PRKN: variants seen among roughly 807,000 people sequenced by gnomAD.
The protein encoded by PRKN is E3 ubiquitin-protein ligase parkin.
Under a neutral mutation model 59.5 loss-of-function variants are expected in PRKN, and 56 were observed. That is an observed-to-expected ratio of 0.94 (90% CI 0.76 to 1.18). PRKN has a LOEUF of 1.18. PRKN is among the 50% of genes most tolerant of loss of function. The pLI, the probability that PRKN is intolerant of heterozygous loss-of-function variation, is 0.00. For synonymous variants in PRKN, 250 were observed against 222.1 expected, an observed-to-expected ratio of 1.13 and a Z score of -1.12; for missense variants, 657 against 596.4, an observed-to-expected ratio of 1.10 and a Z score of -1.06.
At chr6:161,749,241 G>A (rs1359422044) in intron 7 of PRKN, among the ~76,000 whole-genome samples, 3 of 152,198 alleles carry the variant, frequency 2.0e-5, no homozygotes, top group African/African-American at 4.8e-5. Flanking sequence ...CATCTTGGAA[G>A]GGAGAAGCTG....
rs190645575 is a variant in PRKN at position 162,336,345 on chromosome 6, C to T, written c.172-73580G>A. Among the ~76,000 whole-genome samples the T allele has an allele frequency of 7.4e-4, 113 of 152,192 alleles. 1 individual carries two copies. The South Asian group carries it at 0.012, about 16-fold the overall frequency. ...ATTTCAGTCTATGTTACAGCTACAA[C>T]GATACCTCCTCTCTCTGGAAGCCTC... is the stretch of plus-strand genomic sequence containing the variant. On this transcript the variant is annotated intron_variant, in intron 2 of 11. Transcript: ENST00000366898.
chr6:162,259,842 T>C (rs1779811316), intron 3 of PRKN, among the ~76,000 whole-genome samples: 1 of 152,186 alleles, frequency 6.6e-6, no homozygotes, highest in South Asian at 2.1e-4. Context: ...AAAAACTCCA[T>C]CCTCAAAGAG....
At chr6:162,131,401 T>A (rs973051916) in intron 4 of PRKN, among the ~76,000 whole-genome samples, 1 of 152,194 alleles carries the variant, frequency 6.6e-6, no homozygotes, top group Non-Finnish European at 1.5e-5. Flanking sequence ...ATAGCACACA[T>A]TTCCAGGTTT....
chr6:161,465,203 T>C (rs1210360566), intron 9 of PRKN, among the ~76,000 whole-genome samples: 3 of 152,228 alleles, frequency 2.0e-5, no homozygotes, highest in Non-Finnish European at 4.4e-5. Flanking sequence ...GTTTGCTTAC[T>C]GCTCTAGTTC....
rs1297771242 is a variant in PRKN at position 162,056,205 on chromosome 6, G to A, written c.535-2031C>T. On this transcript the variant is annotated intron_variant, in intron 4 of 11. Transcript: ENST00000366898. The surrounding 1 kb of genome is among the most constrained non-coding windows in gnomAD (Gnocchi z 4.9). ...ATAAACACACCACATATGTACATGT[G>A]CACATGTATCCCTCACACCCCACAC... Among the ~76,000 whole-genome samples, 5 of 144,926 alleles carry A rather than the reference G, an allele frequency of 3.5e-5. No individual in the cohort carries two copies. The highest frequency in any genetic ancestry group is 6.9e-5 in the Admixed American group (1 of 14,508).
At chr6:161,541,559 G>A (rs572759513) in intron 9 of PRKN, among the ~76,000 whole-genome samples, 1 of 152,282 alleles carries the variant, frequency 6.6e-6, no homozygotes, top group South Asian at 2.1e-4. Flanking sequence ...GGTGGCTCAC[G>A]CCTATAATTC....
chr6:162,727,704 A>T lies in PRKN; in HGVS notation c.-36T>A. On this transcript the variant is annotated 5_prime_UTR_variant, in exon 1 of 12. Transcript: ENST00000366898. ...TAGGTGGCGGCTGCGGGCCAGGAACAGGCCCATGCGCGCAGCGGCGCCAGC... is the reference window on the plus strand; with the variant it reads ...TAGGTGGCGGCTGCGGGCCAGGAACTGGCCCATGCGCGCAGCGGCGCCAGC... The T allele has an allele frequency of 1.3e-6, 2 of 1,561,626 alleles. No individual in the cohort carries two copies. Among genetic ancestry groups the T allele is most frequent in the Non-Finnish European group, 1.7e-6 (2 of 1,153,742 alleles).
At position 161,906,659 on chromosome 6, in the gene PRKN, C is replaced by CATATATATATATATATATACAT. The variant is rs144796790; in HGVS notation, c.734+66642_734+66643insATGTATATATATATATATATAT. ...AGAGGGACAAATCTAATAGAACATA[C>CATATATATATATATATATACAT]ATATATATATATATATGTATATATG... On this transcript the variant is annotated intron_variant, in intron 6 of 11. Transcript: ENST00000366898. Among the ~76,000 whole-genome samples, 56 of 116,624 alleles carry CATATATATATATATATATACAT rather than the reference C, an allele frequency of 4.8e-4. 4 individuals are homozygous for CATATATATATATATATATACAT. Among genetic ancestry groups the CATATATATATATATATATACAT allele is most frequent in the African/African-American group, 1.9e-3 (55 of 28,242 alleles). 76.5% of individuals were successfully genotyped at this position (116,624 alleles called of 152,430 possible). A position where few individuals can be genotyped will look rare whatever the true frequency, so the allele number is the denominator to read the frequency against.
At chr6:162,423,580 C>A (rs1262970202) in intron 2 of PRKN, among the ~76,000 whole-genome samples, 1 of 152,132 alleles carries the variant, frequency 6.6e-6, no homozygotes, top group African/African-American at 2.4e-5. Flanking sequence ...ATATAATCTG[C>A]TGAGTGTGAT....
intron 7 of PRKN, among the ~76,000 whole-genome samples, chr6:161,570,494 C>T (rs1303392561): frequency 6.6e-6 from 1 of 151,566 alleles, no homozygotes; most frequent in African/African-American, 2.4e-5. Flanking sequence ...GCAGGACCAA[C>T]CCTTCCCCCT....
intron 2 of PRKN, among the ~76,000 whole-genome samples, chr6:162,333,941 T>A (rs1477728843): frequency 6.6e-6 from 1 of 152,160 alleles, no homozygotes; most frequent in African/African-American, 2.4e-5. Context: ...CAAACAGCCA[T>A]ATTGCTGATA....
intron 4 of PRKN, among the ~76,000 whole-genome samples, chr6:162,102,420 C>A (rs1249042689): frequency 6.6e-6 from 1 of 152,156 alleles, no homozygotes; most frequent in Non-Finnish European, 1.5e-5. Context: ...ATCATCAATA[C>A]TTTCCTCTAT....
At chr6:162,267,891 C>G (rs990603508) in intron 2 of PRKN, among the ~76,000 whole-genome samples, 12 of 151,976 alleles carry the variant, frequency 7.9e-5, no homozygotes, top group South Asian at 2.1e-4. Context: ...TTTTCTTTTT[C>G]CAAAAAGAAG....
At chr6:162,224,744 C>G (rs1778092731) in intron 3 of PRKN, among the ~76,000 whole-genome samples, 1 of 152,122 alleles carries the variant, frequency 6.6e-6, no homozygotes, top group African/African-American at 2.4e-5. Flanking sequence ...CACCCTGACC[C>G]AGCCACTCTA....
chr6:162,057,063 G>T (rs933693875), intron 4 of PRKN, among the ~76,000 whole-genome samples: 1 of 152,256 alleles, frequency 6.6e-6, no homozygotes, highest in South Asian at 2.1e-4. Flanking sequence ...AATCTGGAGG[G>T]GGGAGGTGGT....
intron 2 of PRKN, among the ~76,000 whole-genome samples, chr6:162,274,168 T>TTAATTAATTAATTAATTA (rs1562631846): frequency 6.6e-6 from 1 of 151,402 alleles, no homozygotes; most frequent in Admixed American, 6.6e-5. Flanking sequence ...TTAATTAATT[T>TTAATTAATTAATTAATTA]ATTAATTTAT....
chr6:162,198,272 C>G (rs138585115), intron 4 of PRKN, among the ~76,000 whole-genome samples: 11 of 152,182 alleles, frequency 7.2e-5, no homozygotes, highest in African/African-American at 2.4e-4. Context: ...GACTACAAAA[C>G]ACAGGGATTG....
intron 6 of PRKN, among the ~76,000 whole-genome samples, chr6:161,805,157 G>T (rs1384743341): frequency 2.0e-5 from 3 of 152,064 alleles, no homozygotes; most frequent in African/African-American, 4.8e-5. Flanking sequence ...TTCTGCCTGG[G>T]CTACTGTAGA....
chr6:162,508,727 T>A (rs1385992721), intron 1 of PRKN, among the ~76,000 whole-genome samples: 2 of 152,026 alleles, frequency 1.3e-5, no homozygotes, highest in African/African-American at 4.8e-5. Context: ...CAGCAGCATC[T>A]CAGAAGCCTC....
Sources: allele counts gnomAD v4.1 joint callset (sites outside exome capture counted in the v4.1 genomes callset), GRCh38; gene constraint gnomAD v4.1.1; non-coding constraint Gnocchi (gnomAD v3.1); transcripts MANE v1.5; gene names NCBI Gene and HGNC (gene_info 2026-07-23, HGNC 2026-07-21).